The following RAB27A variants were observed in gnomAD, a reference collection of about 807,000 sequenced individuals.
The protein encoded by RAB27A is RAB27A, member RAS oncogene family, also known as ras-related protein Rab-27A.
A neutral mutation model predicts 20.8 loss-of-function variants in RAB27A; 17 were observed. The observed-to-expected ratio is 0.82, with a 90% CI of 0.56 to 1.23. The LOEUF is 1.23. RAB27A is among the 50% of genes most tolerant of loss of function. The probability of loss-of-function intolerance (pLI) is 0.00; values close to 1 mark genes in which losing one functional copy is unlikely to be tolerated. For missense variants in RAB27A, 277 were observed against 266.7 expected, an observed-to-expected ratio of 1.04 and a Z score of -0.27; for synonymous variants, 85 against 92.8, an observed-to-expected ratio of 0.92 and a Z score of 0.48.
chr15:55,209,264 C>T (rs1894803096), intron 6 of RAB27A, among the ~76,000 whole-genome samples: 2 of 152,202 alleles, frequency 1.3e-5, no homozygotes, highest in South Asian at 4.1e-4. Flanking sequence ...ATGTTTGTAC[C>T]TATTAATCAA....
At chr15:55,208,474 T>C (rs1165734250) in intron 6 of RAB27A, among the ~76,000 whole-genome samples, 1 of 152,220 alleles carries the variant, frequency 6.6e-6, no homozygotes, top group Non-Finnish European at 1.5e-5. Context: ...ACAAAGAGCC[T>C]AGATTCATAT....
At chr15:55,243,421 G>A (rs111318043) in intron 2 of RAB27A, among the ~76,000 whole-genome samples, 13 of 152,076 alleles carry the variant, frequency 8.5e-5, no homozygotes, top group African/African-American at 2.4e-4. Flanking sequence ...TTGGGAGGCC[G>A]AGGAGGGTGG....
At chr15:55,207,324 A>G (rs894720005) in intron 6 of RAB27A, among the ~76,000 whole-genome samples, 6 of 152,222 alleles carry the variant, frequency 3.9e-5, no homozygotes, top group African/African-American at 1.4e-4. Context: ...AGGCATGTTG[A>G]TGGGCAGGAA....
chr15:55,206,095 CA>C, intron 6 of RAB27A, among the ~76,000 whole-genome samples: 1 of 152,144 alleles, frequency 6.6e-6, no homozygotes, highest in Non-Finnish European at 1.5e-5. Context: ...CCTGTAATCC[CA>C]GCTACTGGGG....
At position 55,220,727 on chromosome 15, in the gene RAB27A, C is replaced by G. The variant is rs150450633; in HGVS notation, c.467+3162G>C. 7.0e-3 allele frequency among the ~76,000 whole-genome samples: 1,068 copies of G among 152,254 alleles called. 10 individuals are homozygous for G. Among genetic ancestry groups the G allele is most frequent in the Non-Finnish European group, 1.0e-2 (680 of 68,018 alleles). ...CATGGATAAACTAAACAATATAGTC[C>G]TTTAGTGCATGTGTAACCAGTGTAA... is the stretch of plus-strand genomic sequence containing the variant. On this transcript the variant is annotated intron_variant, in intron 6 of 6. Transcript: ENST00000336787.
At chr15:55,212,532 C>T (rs1211532020) in intron 6 of RAB27A, among the ~76,000 whole-genome samples, 5 of 134,042 alleles carry the variant, frequency 3.7e-5, no homozygotes, top group African/African-American at 1.4e-4. Context: ...AGCAACAAAT[C>T]TTTTTTTTTT....
Position 55,241,600 on chromosome 15 carries a change from T to TTCTTTATATATATATATGTG in RAB27A, c.-22-6645_-22-6644insCACATATATATATATAAAGA, listed in dbSNP as rs1388634936. Reference sequence around the variant, plus strand: ...AGCCCAGGCAACTAGCAAGACCTATTTATATATATATATATATATATATAT... The same window carrying TTCTTTATATATATATATGTG: ...AGCCCAGGCAACTAGCAAGACCTATTTCTTTATATATATATATGTGTATATATATATATATATATATATAT... On this transcript the variant is annotated intron_variant, in intron 2 of 6. Transcript: ENST00000336787. 4.1e-4 allele frequency among the ~76,000 whole-genome samples: 51 copies of TTCTTTATATATATATATGTG among 123,870 alleles called. 3 individuals are homozygous for TTCTTTATATATATATATGTG. The highest frequency in any genetic ancestry group is 2.1e-3 in the African/African-American group (49 of 23,438). 81.3% of individuals were successfully genotyped at this position (123,870 alleles called of 152,430 possible).
intron 2 of RAB27A, among the ~76,000 whole-genome samples, chr15:55,309,811 T>C (rs1444581842): frequency 6.6e-6 from 1 of 152,128 alleles, no homozygotes; most frequent in Admixed American, 6.6e-5. Context: ...TGGGTTTCTG[T>C]ACTCCTAAAA....
At chr15:55,279,991 A>T (rs1191042723) in intron 1 of RAB27A, among the ~76,000 whole-genome samples, 3 of 152,168 alleles carry the variant, frequency 2.0e-5, no homozygotes, top group African/African-American at 7.2e-5. Context: ...AGAGTTTCAG[A>T]TTCAGTAGGT....
chr15:55,302,924 C>A lies in RAB27A; in HGVS notation c.-112+11115G>T, dbSNP rs1228056514. On this transcript the variant is annotated intron_variant, in intron 2 of 5. Transcript: ENST00000563262. ...GAGGAGCCTCTCCGCCCGGCAGCCA[C>A]CCCATCTGGGAAGTGAGGAGCATCT... Among the ~76,000 whole-genome samples, 9 of 140,040 alleles carry A rather than the reference C, an allele frequency of 6.4e-5. No individual in the cohort carries two copies. The South Asian group carries it at 7.0e-4, about 11-fold the overall frequency. 91.9% of individuals were successfully genotyped at this position (140,040 alleles called of 152,430 possible).
At chr15:55,210,122 GTA>G (rs765756020) in intron 6 of RAB27A, among the ~76,000 whole-genome samples, 8 of 136,046 alleles carry the variant, frequency 5.9e-5, no homozygotes, top group East Asian at 2.1e-4. Context: ...ATACACATAT[GTA>G]TATATAGTGT....
At chr15:55,244,211 G>C (rs1566916878) in intron 2 of RAB27A, among the ~76,000 whole-genome samples, 2 of 152,012 alleles carry the variant, frequency 1.3e-5, no homozygotes, top group Non-Finnish European at 2.9e-5. Context: ...CTACTCAGCG[G>C]GGTTGAGGCA....
At chr15:55,295,729 C>T (rs914482199) in intron 2 of RAB27A, among the ~76,000 whole-genome samples, 1 of 152,070 alleles carries the variant, frequency 6.6e-6, no homozygotes, top group Non-Finnish European at 1.5e-5. Context: ...TTATTGCACA[C>T]GAGGTTTCCT....
intron 2 of RAB27A, among the ~76,000 whole-genome samples, chr15:55,303,961 G>T (rs1439159610): frequency 1.3e-5 from 2 of 149,504 alleles, no homozygotes; most frequent in Non-Finnish European, 3.0e-5. Context: ...TCTGGGAGGT[G>T]TGCCCAACAG....
intron 2 of RAB27A, among the ~76,000 whole-genome samples, chr15:55,312,415 T>G (rs1162603183): frequency 6.6e-6 from 1 of 152,210 alleles, no homozygotes; most frequent in African/African-American, 2.4e-5. Flanking sequence ...CATATGCCTG[T>G]AAGGGGAATT....
At chr15:55,268,531 C>T (rs1191183187) in intron 2 of RAB27A, among the ~76,000 whole-genome samples, 1 of 152,168 alleles carries the variant, frequency 6.6e-6, no homozygotes, top group African/African-American at 2.4e-5. Flanking sequence ...GTCCATGTGT[C>T]AGGACCCTGA....
At chr15:55,297,821 C>A (rs920347630) in intron 2 of RAB27A, among the ~76,000 whole-genome samples, 2 of 152,138 alleles carry the variant, frequency 1.3e-5, no homozygotes, top group African/African-American at 4.8e-5. Flanking sequence ...TATATTTCTA[C>A]CAAATTGAAT....
At chr15:55,214,197 G>A (rs1418978392) in intron 6 of RAB27A, among the ~76,000 whole-genome samples, 1 of 152,214 alleles carries the variant, frequency 6.6e-6, no homozygotes, top group Non-Finnish European at 1.5e-5. Context: ...AGCACTTTGG[G>A]AGGCCAAGGC....
In RAB27A at chr15:55,262,862, G is replaced by A. The variant is rs139611530; in HGVS notation, c.-23+7303C>T. On this transcript the variant is annotated intron_variant, in intron 2 of 6. Transcript: ENST00000336787. Reference sequence around the variant, plus strand: ...GAGCCACCACGCCCAGCCCAGTCTCGTCATGTCTTGATTCTAACATTTCAC... The same window carrying A: ...GAGCCACCACGCCCAGCCCAGTCTCATCATGTCTTGATTCTAACATTTCAC... Among the ~76,000 whole-genome samples, 6 of 152,088 alleles carry A rather than the reference G, an allele frequency of 3.9e-5. No individual in the cohort carries two copies. In the East Asian group the frequency reaches 5.9e-4, roughly 15 times the overall value.
Sources: gnomAD v4.1 joint callset for allele counts (sites outside exome capture counted in the v4.1 genomes callset) on GRCh38, gnomAD v4.1.1 for gene constraint, MANE v1.5 for transcripts, NCBI Gene and HGNC (gene_info 2026-07-23, HGNC 2026-07-21) for gene names.